The following TAF5L variants were observed in gnomAD, a reference collection of about 807,000 sequenced individuals.
The protein encoded by TAF5L is TATA-box binding protein associated factor 5 like.
In TAF5L, 7 loss-of-function variants were observed where a neutral mutation model predicts 51.3. The ratio of observed to expected loss-of-function variants is 0.14; its 90% confidence interval spans 0.08 to 0.26. TAF5L has a LOEUF of 0.26. TAF5L is among the 10% of genes least tolerant of loss of function. The pLI, the probability that TAF5L is intolerant of heterozygous loss-of-function variation, is 1.00. For synonymous variants in TAF5L, 291 were observed against 308.1 expected (o/e 0.94, Z 0.58); for missense variants, 575 against 758.9 (o/e 0.76, Z 2.85).
intron 2 of TAF5L, among the ~76,000 whole-genome samples, chr1:229,613,862 A>G (rs961822041): frequency 6.6e-6 from 1 of 152,222 alleles, no homozygotes; most frequent in African/African-American, 2.4e-5. Context: ...AATTAAAAAA[A>G]CTTCAGGAAT....
In TAF5L at chr1:229,625,931, G is replaced by A. The variant is rs1436811805; in HGVS notation, c.-50C>T. The A allele has an allele frequency of 6.9e-6, 1 of 144,214 alleles. No homozygotes were observed. The highest frequency in any genetic ancestry group is 2.5e-5 in the African/African-American group (1 of 39,256). 8.9% of individuals were successfully genotyped at this position (144,214 alleles called of 1,614,324 possible). A position where few individuals can be genotyped will look rare whatever the true frequency, so the allele number is the denominator to read the frequency against. On this transcript the variant is annotated 5_prime_UTR_variant, in exon 1 of 5. Coordinates refer to ENST00000258281, the Ensembl canonical transcript of TAF5L. This position sits in a 1 kb window ranked among gnomAD's most constrained non-coding sequence, Gnocchi z 4.0. ...GCTCCCCCCGCCGCCGCCGCCTCCG[G>A]GATCGGGTTGCTTCCGCCTCCGTCG...
chr1:229,613,676 T>C (rs1283585981), intron 2 of TAF5L, among the ~76,000 whole-genome samples: 1 of 152,192 alleles, frequency 6.6e-6, no homozygotes, highest in African/African-American at 2.4e-5. Context: ...CCAAATATTA[T>C]ACCACATCTT....
At chr1:229,608,848 A>T (rs550077685) in intron 3 of TAF5L, among the ~76,000 whole-genome samples, 5 of 152,182 alleles carry the variant, frequency 3.3e-5, no homozygotes, top group African/African-American at 7.2e-5. Context: ...AAAAAAATTT[A>T]AAAAAATTAG....
Position 229,596,293 on chromosome 1 carries a change from A to C in TAF5L, c.973-1199T>G, listed in dbSNP as rs1341820213. 3.3e-5 allele frequency among the ~76,000 whole-genome samples: 5 copies of C among 152,096 alleles called. No individual in the cohort carries two copies. The East Asian group carries it at 5.8e-4, about 18-fold the overall frequency. ...TGTGCCCAAAAAAACCCAAAACAAAAACAAACACAAACAAAACCCAGAACT... is the reference window on the plus strand; with the variant it reads ...TGTGCCCAAAAAAACCCAAAACAAACACAAACACAAACAAAACCCAGAACT... On this transcript the variant is annotated intron_variant, in intron 4 of 4. Transcript: ENST00000258281.
intron 1 of TAF5L, among the ~76,000 whole-genome samples, chr1:229,616,554 A>C (rs1391086207): frequency 6.6e-5 from 10 of 152,132 alleles, no homozygotes; most frequent in African/African-American, 2.4e-4. Flanking sequence ...ATTTTCGTCC[A>C]TCTGCAGTTT....
At position 229,602,485 on chromosome 1, in the gene TAF5L, T is replaced by A. The variant is rs769416736; in HGVS notation, c.682A>T (p.Met228Leu). Residue 228 changes from methionine to leucine, a missense_variant, in exon 4 of 5, where the codon ATG becomes TTG. This residue lies in a region of TAF5L where 380 missense variants were observed against 443.7 expected (regional missense o/e 0.86). Coordinates refer to ENST00000258281, the Ensembl canonical transcript of TAF5L. This position sits in a 1 kb window ranked among gnomAD's most constrained non-coding sequence, Gnocchi z 4.6. ...TCGTTCTGCAGAATAGGGCTGGGCA[T>A]GTCGGGGGGCTCCAAACCGTTGTTC... 1 of 1,614,126 alleles carries A rather than the reference T, an allele frequency of 6.2e-7. No individual in the cohort carries two copies. Among genetic ancestry groups the A allele is most frequent in the South Asian group, 1.1e-5 (1 of 91,082 alleles).
exon 5 of TAF5L, chr1:229,593,346 G>T (rs1167452560): frequency 3.3e-5 from 5 of 152,148 alleles, no homozygotes; most frequent in Admixed American, 3.3e-4. Context: ...CGTGGAAAAA[G>T]CCACACCTCT....
intron 1 of TAF5L, among the ~76,000 whole-genome samples, chr1:229,624,604 G>C (rs1186558100): frequency 9.4e-6 from 1 of 106,058 alleles, no homozygotes; most frequent in Non-Finnish European, 2.0e-5. Flanking sequence ...GTCTCTTAAA[G>C]ATAAAAAAAA....
At chr1:229,608,627 C>T (rs1664679330) in intron 3 of TAF5L, among the ~76,000 whole-genome samples, 2 of 152,118 alleles carry the variant, frequency 1.3e-5, no homozygotes, top group South Asian at 4.2e-4. Flanking sequence ...AGTTATTTTA[C>T]TCAGTTAAAA....
intron 1 of TAF5L, among the ~76,000 whole-genome samples, chr1:229,624,538 G>A (rs1235515245): frequency 2.0e-5 from 3 of 151,958 alleles, no homozygotes; most frequent in Non-Finnish European, 2.9e-5. Context: ...CGTTTTTTGG[G>A]AGGCTGAGGC....
chr1:229,605,550 T>G (rs373842392), intron 3 of TAF5L, among the ~76,000 whole-genome samples: 87 of 152,046 alleles, frequency 5.7e-4, no homozygotes, highest in African/African-American at 2.0e-3. Context: ...TGTCAAACTG[T>G]GGGGGGGCCC....
intron 2 of TAF5L, among the ~76,000 whole-genome samples, chr1:229,611,570 C>T (rs1388530004): frequency 6.6e-6 from 1 of 152,132 alleles, no homozygotes; most frequent in African/African-American, 2.4e-5. Flanking sequence ...AGCCTGCATG[C>T]AAGGGAGGGA....
intron 3 of TAF5L, among the ~76,000 whole-genome samples, chr1:229,604,643 T>C (rs910317326): frequency 2.6e-5 from 4 of 152,066 alleles, no homozygotes; most frequent in African/African-American, 9.7e-5. Flanking sequence ...CAACAATCCA[T>C]ACAGGACTAT....
Position 229,602,329 on chromosome 1 carries a change from T to C in TAF5L, c.838A>G (p.Ser280Gly), listed in dbSNP as rs1211328185. The C allele has an allele frequency of 4.3e-6, 7 of 1,614,186 alleles. No individual in the cohort carries two copies. The Admixed American group carries it at 1.2e-4, about 27-fold the overall frequency. Reference sequence around the variant, plus strand: ...TCAAACCCAGCAGCAAGCAGCTTGCTATCGGGGGAGATTTCTGCAGTGTTC... The same window carrying C: ...TCAAACCCAGCAGCAAGCAGCTTGCCATCGGGGGAGATTTCTGCAGTGTTC... The change falls in exon 4 of 5, where the codon AGC (serine) becomes GGC (glycine). Residue 280 changes from serine (S) to glycine (G), a missense_variant. Ser to Gly is a moderately conservative substitution (Grantham distance 56). Coordinates refer to ENST00000258281, the Ensembl canonical transcript of TAF5L. The surrounding 1 kb of genome is among the most constrained non-coding windows in gnomAD (Gnocchi z 4.6).
At position 229,594,523 on chromosome 1, in the gene TAF5L, C is replaced by T. The variant is rs1380994365; in HGVS notation, c.1544G>A (p.Ser515Asn). The T allele has an allele frequency of 6.2e-6, 10 of 1,613,974 alleles. No homozygotes were observed. In the Admixed American group the frequency reaches 1.7e-4, roughly 27 times the overall value. ...GCCGCTGTCTGGACTGAAGGTGAGGCTGGTGATATTGTCTGTGTGGCCTCT... is the reference window on the plus strand; with the variant it reads ...GCCGCTGTCTGGACTGAAGGTGAGGTTGGTGATATTGTCTGTGTGGCCTCT... The change falls in exon 5 of 5, where the codon AGC (serine) becomes AAC (asparagine). Residue 515 changes from serine to asparagine, a missense_variant. Around this residue, in one of 3 missense-constraint regions of TAF5L, gnomAD observed 104 missense variants for 218.3 expected, o/e 0.48. Transcript: ENST00000258281. This position sits in a 1 kb window ranked among gnomAD's most constrained non-coding sequence, Gnocchi z 7.9.
At position 229,602,554 on chromosome 1, in the gene TAF5L, T is replaced by G. The variant is rs140622725; in HGVS notation, c.613A>C (p.Thr205Pro). 1.2e-4 allele frequency: 196 copies of G among 1,614,218 alleles called. No individual in the cohort carries two copies. The highest frequency in any genetic ancestry group is 4.9e-4 in the Middle Eastern group (3 of 6,062). ...CCACTGGCATACAGCTGATAGTCTG[T>G]TCTCTTGGCAGGCTGCACGTCAAGA... Residue 205 changes from threonine (T) to proline (P), a missense_variant, in exon 4 of 5, where the codon ACA becomes CCA. Thr to Pro is a conservative substitution (Grantham distance 38). This residue lies in a region of TAF5L where 380 missense variants were observed against 443.7 expected (regional missense o/e 0.86). Coordinates refer to ENST00000258281, the Ensembl canonical transcript of TAF5L. The surrounding 1 kb of genome is among the most constrained non-coding windows in gnomAD (Gnocchi z 4.6).
chr1:229,599,823 C>T, intron 4 of TAF5L: 1 of 985,376 alleles, frequency 1.0e-6, no homozygotes, highest in Non-Finnish European at 1.2e-6. Flanking sequence ...GGTGTGAACA[C>T]CGTTTCAAAT....
At chr1:229,613,329 C>CAAAAAAAAAAAAA (rs567436350) in intron 2 of TAF5L, among the ~76,000 whole-genome samples, 1 of 84,560 alleles carries the variant, frequency 1.2e-5, no homozygotes, top group Non-Finnish European at 2.4e-5. Context: ...GACTCTGTCT[C>CAAAAAAAAAAAAA]AAAAAAAAAA....
intron 1 of TAF5L, among the ~76,000 whole-genome samples, chr1:229,623,000 G>A (rs775745291): frequency 3.3e-5 from 5 of 152,200 alleles, no homozygotes; most frequent in Non-Finnish European, 5.9e-5. Context: ...ACTGCCGCCG[G>A]GCACGGTGGC....
Sources: allele counts gnomAD v4.1 joint callset (sites outside exome capture counted in the v4.1 genomes callset), GRCh38; gene constraint gnomAD v4.1.1; regional missense constraint gnomAD v4.1.1; non-coding constraint Gnocchi (gnomAD v3.1); transcripts MANE v1.5; gene names NCBI Gene and HGNC (gene_info 2026-07-23, HGNC 2026-07-21).